Variants in CADM2 observed in about 807,000 individuals in gnomAD.
CADM2 encodes immunoglobulin superfamily member 4D.
In CADM2, 12 loss-of-function variants were observed where a neutral mutation model predicts 49.8. That is an observed-to-expected ratio of 0.24 (90% CI 0.15 to 0.39). CADM2 has a LOEUF of 0.39. CADM2 is among the 10% of genes least tolerant of loss of function. CADM2 has a pLI of 1.00. For synonymous variants in CADM2, 214 were observed against 175.4 expected, an observed-to-expected ratio of 1.22 and a Z score of -1.74; for missense variants, 378 against 492.3, an observed-to-expected ratio of 0.77 and a Z score of 2.20.
chr3:85,810,463 C>A (rs1435019091), intron 3 of CADM2, among the ~76,000 whole-genome samples: 1 of 151,274 alleles, frequency 6.6e-6, no homozygotes, highest in Non-Finnish European at 1.5e-5. Context: ...CTTGCAACTA[C>A]CTTCAGTTGC....
At chr3:85,922,735 A>G (rs1471213294) in intron 6 of CADM2, among the ~76,000 whole-genome samples, 1 of 152,186 alleles carries the variant, frequency 6.6e-6, no homozygotes, top group East Asian at 1.9e-4. Context: ...TACCCAGAAG[A>G]ATACAATATC....
intron 1 of CADM2, among the ~76,000 whole-genome samples, chr3:85,106,265 T>C (rs1253103429): frequency 6.6e-6 from 1 of 152,084 alleles, no homozygotes; most frequent in African/African-American, 2.4e-5. Flanking sequence ...AATATGTAAA[T>C]GTGAATGGGG....
At chr3:85,445,282 A>C (rs1324042052) in intron 1 of CADM2, among the ~76,000 whole-genome samples, 1 of 152,128 alleles carries the variant, frequency 6.6e-6, no homozygotes, top group African/African-American at 2.4e-5. Context: ...GGGTGGCATA[A>C]AAATATTTTA....
intron 2 of CADM2, among the ~76,000 whole-genome samples, chr3:85,769,172 A>G (rs1166330184): frequency 1.2e-5 from 1 of 84,770 alleles, no homozygotes; most frequent in African/African-American, 6.2e-5. Context: ...TAGTATATAT[A>G]CACATATATA....
intron 7 of CADM2, among the ~76,000 whole-genome samples, chr3:85,950,759 A>G (rs979864511): frequency 2.6e-5 from 4 of 151,140 alleles, no homozygotes; most frequent in African/African-American, 9.7e-5. Flanking sequence ...TTTAAAATCT[A>G]CTGGTGAAAT....
intron 1 of CADM2, among the ~76,000 whole-genome samples, chr3:85,217,025 T>A (rs1559726206): frequency 6.6e-6 from 1 of 151,942 alleles, no homozygotes; most frequent in East Asian, 1.9e-4. Context: ...ATAAAATATA[T>A]TGTATACTAT....
chr3:85,605,001 A>G (rs924474128), intron 1 of CADM2, among the ~76,000 whole-genome samples: 1 of 152,086 alleles, frequency 6.6e-6, no homozygotes, highest in Non-Finnish European at 1.5e-5. Context: ...ATTGACAAAT[A>G]CTACATCATC....
At chr3:85,593,247 T>C (rs1218145076) in intron 1 of CADM2, among the ~76,000 whole-genome samples, 7 of 152,030 alleles carry the variant, frequency 4.6e-5, no homozygotes, top group African/African-American at 1.7e-4. Context: ...TACATATGTA[T>C]ACATGTGCCA....
chr3:85,515,999 A>G (rs934763132), intron 1 of CADM2, among the ~76,000 whole-genome samples: 2 of 152,196 alleles, frequency 1.3e-5, no homozygotes, highest in Non-Finnish European at 2.9e-5. Flanking sequence ...AAGGAAAGGA[A>G]ATCAAATACA....
At chr3:85,945,679 A>G (rs1295069730) in intron 7 of CADM2, among the ~76,000 whole-genome samples, 1 of 152,136 alleles carries the variant, frequency 6.6e-6, no homozygotes. Context: ...GACAAAAACC[A>G]CGTGATTATC....
At chr3:85,471,422 C>T (rs1015324664) in intron 1 of CADM2, among the ~76,000 whole-genome samples, 2 of 152,134 alleles carry the variant, frequency 1.3e-5, no homozygotes, top group Non-Finnish European at 2.9e-5. Context: ...GGGAAGCTGA[C>T]AACCATCTGC....
intron 1 of CADM2, among the ~76,000 whole-genome samples, chr3:85,162,139 A>C (rs941879344): frequency 6.6e-6 from 1 of 152,216 alleles, no homozygotes; most frequent in African/African-American, 2.4e-5. Context: ...CTAGGCATTT[A>C]GCAGTTAACA....
intron 1 of CADM2, among the ~76,000 whole-genome samples, chr3:84,996,495 A>G (rs1165533733): frequency 6.6e-6 from 1 of 152,104 alleles, no homozygotes; most frequent in Non-Finnish European, 1.5e-5. Flanking sequence ...AAATTCTGAC[A>G]GCTTTATGTA....
intron 1 of CADM2, among the ~76,000 whole-genome samples, chr3:85,673,007 C>A (rs2065786351): frequency 2.0e-5 from 3 of 152,120 alleles, no homozygotes; most frequent in African/African-American, 7.2e-5. Flanking sequence ...ATATTTCTTG[C>A]CTGTCTGTTT....
At chr3:85,312,303 A>C (rs902199409) in intron 1 of CADM2, among the ~76,000 whole-genome samples, 2 of 152,168 alleles carry the variant, frequency 1.3e-5, no homozygotes, top group South Asian at 2.1e-4. Context: ...ACATAATATG[A>C]TTTTTAGTAT....
intron 1 of CADM2, among the ~76,000 whole-genome samples, chr3:85,053,944 CAT>C (rs2035979899): frequency 1.3e-5 from 2 of 152,028 alleles, no homozygotes; most frequent in African/African-American, 4.8e-5. Flanking sequence ...CTGTAGTCCT[CAT>C]GATTGCAAAG....
chr3:85,705,583 T>C (rs919175850), intron 1 of CADM2, among the ~76,000 whole-genome samples: 3 of 152,228 alleles, frequency 2.0e-5, no homozygotes, highest in Admixed American at 2.0e-4. Context: ...TCCATCATGA[T>C]TCCTCAATCT....
At chr3:85,881,352 G>T (rs377178038) in intron 3 of CADM2, among the ~76,000 whole-genome samples, 9 of 151,768 alleles carry the variant, frequency 5.9e-5, no homozygotes, top group Admixed American at 2.6e-4. Flanking sequence ...AAAAATTTTT[G>T]TCAAAAATTT....
intron 8 of CADM2, among the ~76,000 whole-genome samples, chr3:85,980,126 G>T (rs1019824292): frequency 6.6e-6 from 1 of 151,276 alleles, no homozygotes; most frequent in African/African-American, 2.4e-5. Context: ...AGAATTTGTC[G>T]TATTTAAGTC....
Sources: allele counts gnomAD v4.1 joint callset (sites outside exome capture counted in the v4.1 genomes callset), GRCh38; gene constraint gnomAD v4.1.1; transcripts MANE v1.5; gene names NCBI Gene and HGNC (gene_info 2026-07-23, HGNC 2026-07-21).